The following TYW1B variants were observed in gnomAD, a reference collection of about 807,000 sequenced individuals.
TYW1B encodes the protein S-adenosyl-L-methionine-dependent tRNA 4-demethylwyosine synthase TYW1B.
TYW1B carries 73 observed loss-of-function variants against 86.9 expected under a neutral mutation model. The ratio of observed to expected loss-of-function variants is 0.84; its 90% CI spans 0.70 to 1.02. The LOEUF (loss-of-function observed/expected upper bound fraction) is 1.02, where lower values mean the gene tolerates loss of function less well. Among genes scored for constraint, TYW1B ranks in the 50% least tolerant of loss-of-function variants. TYW1B has a pLI of 0.00. For synonymous variants in TYW1B, 248 were observed against 292.8 expected (o/e 0.85, Z 1.56); for missense variants, 637 against 827.4 (o/e 0.77, Z 2.82).
intron 11 of TYW1B, among the ~76,000 whole-genome samples, chr7:72,673,150 G>C (rs1585893015): frequency 6.6e-6 from 1 of 152,196 alleles, no homozygotes; most frequent in South Asian, 2.1e-4. Context: ...CTGGGCGACA[G>C]AGCAAGACTC....
chr7:72,669,422 C>T (rs1438172328), intron 11 of TYW1B, among the ~76,000 whole-genome samples: 1 of 151,950 alleles, frequency 6.6e-6, no homozygotes, highest in Non-Finnish European at 1.5e-5. Context: ...GTTGGGATTA[C>T]AGGCATAAGC....
chr7:72,720,757 T>G (rs1554457235), intron 9 of TYW1B, among the ~76,000 whole-genome samples: 1 of 152,172 alleles, frequency 6.6e-6, no homozygotes, highest in Non-Finnish European at 1.5e-5. Flanking sequence ...TTCTTTATTA[T>G]TATTATTATA....
intron 6 of TYW1B, among the ~76,000 whole-genome samples, chr7:72,791,013 G>A (rs1293284848): frequency 6.6e-6 from 1 of 152,172 alleles, no homozygotes; most frequent in Admixed American, 6.6e-5. Flanking sequence ...CAGTGGCCCA[G>A]GTGATTTTTG....
intron 7 of TYW1B, among the ~76,000 whole-genome samples, chr7:72,764,533 G>A (rs1318963203): frequency 1.3e-5 from 2 of 152,056 alleles, no homozygotes; most frequent in African/African-American, 2.4e-5. Flanking sequence ...CGCCCACCTC[G>A]GCCTCCCGAA....
At chr7:72,757,967 C>A (rs981936163) in intron 7 of TYW1B, among the ~76,000 whole-genome samples, 2 of 151,898 alleles carry the variant, frequency 1.3e-5, no homozygotes, top group Non-Finnish European at 2.9e-5. Context: ...TGGCTCATGC[C>A]AGCACTTTGG....
intron 11 of TYW1B, among the ~76,000 whole-genome samples, chr7:72,681,358 C>A (rs1813870007): frequency 2.0e-5 from 3 of 152,146 alleles, no homozygotes; most frequent in African/African-American, 7.2e-5. Context: ...GGGGACCTTA[C>A]AATTCAGAGC....
chr7:72,749,879 C>A (rs1278053910), intron 7 of TYW1B, among the ~76,000 whole-genome samples: 1 of 145,804 alleles, frequency 6.9e-6, no homozygotes, highest in Non-Finnish European at 1.5e-5. Flanking sequence ...ACGTTTAATT[C>A]TCATTTTCAT....
chr7:72,740,733 C>CT (rs71071910), intron 8 of TYW1B, among the ~76,000 whole-genome samples: 90,865 of 137,320 alleles, frequency 0.66, 30,786 homozygotes, highest in Non-Finnish European at 0.73. Flanking sequence ...ATGCAGTTTT[C>CT]TTTTTTTTTT....
chr7:72,766,587 C>A (rs1176612087), intron 7 of TYW1B, among the ~76,000 whole-genome samples: 1 of 121,272 alleles, frequency 8.2e-6, no homozygotes, highest in African/African-American at 3.2e-5. Flanking sequence ...GTACACCAGC[C>A]TGGGCAACAG....
intron 13 of TYW1B, among the ~76,000 whole-genome samples, chr7:72,583,363 T>C (rs1554429877): frequency 6.6e-6 from 1 of 151,994 alleles, no homozygotes; most frequent in Non-Finnish European, 1.5e-5. Flanking sequence ...AAAAGAAAGA[T>C]AATTAGCAAA....
intron 7 of TYW1B, among the ~76,000 whole-genome samples, chr7:72,758,767 A>C (rs1252009683): frequency 6.6e-6 from 1 of 152,162 alleles, no homozygotes; most frequent in Non-Finnish European, 1.5e-5. Flanking sequence ...TTTTCTGGAA[A>C]GTATTTTCTA....
intron 7 of TYW1B, among the ~76,000 whole-genome samples, chr7:72,761,496 T>C (rs1181568669): frequency 2.0e-5 from 3 of 151,378 alleles, no homozygotes; most frequent in Admixed American, 1.3e-4. Context: ...GAGGCTGAGG[T>C]AGAAGGATCA....
intron 10 of TYW1B, among the ~76,000 whole-genome samples, chr7:72,706,287 T>C (rs1396395034): frequency 6.6e-6 from 1 of 151,052 alleles, no homozygotes; most frequent in East Asian, 1.9e-4. Flanking sequence ...ATTAGCCGGG[T>C]GTGGTGGCAA....
intron 11 of TYW1B, among the ~76,000 whole-genome samples, chr7:72,639,264 T>G (rs1408950476): frequency 2.1e-5 from 3 of 145,882 alleles, no homozygotes; most frequent in Non-Finnish European, 4.7e-5. Flanking sequence ...AAATTTTTTG[T>G]TTTTTTGAGA....
At chr7:72,601,877 C>T (rs1194493676) in intron 13 of TYW1B, among the ~76,000 whole-genome samples, 4 of 151,832 alleles carry the variant, frequency 2.6e-5, no homozygotes, top group Admixed American at 6.6e-5. Context: ...TAATCAGTGG[C>T]TGCCAGTAGT....
At chr7:72,663,446 T>A (rs555199579) in intron 11 of TYW1B, among the ~76,000 whole-genome samples, 2 of 152,090 alleles carry the variant, frequency 1.3e-5, no homozygotes, top group Non-Finnish European at 2.9e-5. Flanking sequence ...ATGATCTATG[T>A]GACCTAAAAC....
intron 10 of TYW1B, among the ~76,000 whole-genome samples, chr7:72,701,810 T>C (rs1365330180): frequency 6.6e-6 from 1 of 152,176 alleles, no homozygotes; most frequent in Non-Finnish European, 1.5e-5. Context: ...GACAGAGATA[T>C]CCTTAAATGC....
Position 72,650,116 on chromosome 7 carries a change from G to A in TYW1B, c.1507-21119C>T, listed in dbSNP as rs530240841. ...TTTTTAATAAAGACGGGGTTTCACC[G>A]TGTTAGCCAGGATGGTCTCGATCTC... On this transcript the variant is annotated intron_variant, in intron 11 of 13. Coordinates refer to ENST00000620995, the MANE Select transcript of TYW1B (RefSeq NM_001145440.3). Among the ~76,000 whole-genome samples the A allele has an allele frequency of 4.1e-5, 6 of 145,226 alleles. No individual in the cohort carries two copies. The South Asian group carries it at 6.5e-4, about 16-fold the overall frequency.
chr7:72,755,854 GA>G (rs1157219617), intron 7 of TYW1B, among the ~76,000 whole-genome samples: 9 of 152,360 alleles, frequency 5.9e-5, no homozygotes, highest in Non-Finnish European at 1.3e-4. Context: ...GACAATGGCA[GA>G]GGCCAAGAAT....
Sources: gnomAD v4.1 joint callset for allele counts (sites outside exome capture counted in the v4.1 genomes callset) on GRCh38, gnomAD v4.1.1 for gene constraint, MANE v1.5 for transcripts, NCBI Gene and HGNC (gene_info 2026-07-23, HGNC 2026-07-21) for gene names.